The following BMAL1 variants were observed in gnomAD, a reference collection of about 807,000 sequenced individuals.
The protein encoded by BMAL1 is basic helix-loop-helix ARNT like 1, also known as basic helix-loop-helix ARNT-like protein 1.
the BMAL1 span, chr11:13,349,844 G>A: frequency 6.6e-6 from 1 of 151,234 alleles, no homozygotes; most frequent in East Asian, 2.0e-4. Context: ...TAGGAGTCAT[G>A]AACCATCTAC....
chr11:13,369,824 C>G, the BMAL1 span: 25 of 1,576,736 alleles, frequency 1.6e-5, no homozygotes, highest in Non-Finnish European at 2.1e-5. Flanking sequence ...CTTTCTGCAG[C>G]GGAGCTCTCA....
At chr11:13,386,673 A>G in the BMAL1 span, 1 of 1,614,164 alleles carries the variant, frequency 6.2e-7, no homozygotes, top group Non-Finnish European at 8.5e-7. Flanking sequence ...TGAGGCAGCA[A>G]TGGCTGTCAT....
the BMAL1 span, among the ~76,000 whole-genome samples, chr11:13,371,669 A>G: frequency 6.6e-6 from 1 of 152,230 alleles, no homozygotes; most frequent in Non-Finnish European, 1.5e-5. Context: ...TTGGTTAGAA[A>G]GTAATCCAAG....
the BMAL1 span, among the ~76,000 whole-genome samples, chr11:13,350,468 C>G: frequency 2.6e-5 from 4 of 152,044 alleles, no homozygotes; most frequent in Admixed American, 1.3e-4. Flanking sequence ...AAATAAAGAG[C>G]AGTAGGAGAG....
the BMAL1 span, among the ~76,000 whole-genome samples, chr11:13,350,894 A>G: frequency 6.6e-6 from 1 of 152,248 alleles, no homozygotes; most frequent in African/African-American, 2.4e-5. Context: ...AACATCAATG[A>G]TGAACAAAGA....
At chr11:13,323,260 G>A in the BMAL1 span, among the ~76,000 whole-genome samples, 1 of 152,112 alleles carries the variant, frequency 6.6e-6, no homozygotes, top group African/African-American at 2.4e-5. Flanking sequence ...GACCTAAGTG[G>A]CTACATCTTG....
chr11:13,377,444 A>C, the BMAL1 span, among the ~76,000 whole-genome samples: 4 of 152,012 alleles, frequency 2.6e-5, no homozygotes, highest in Non-Finnish European at 5.9e-5. Context: ...TGAACCTTCT[A>C]TCTCTTAAAC....
the BMAL1 span, chr11:13,356,856 G>T: frequency 6.2e-7 from 1 of 1,609,150 alleles, no homozygotes; most frequent in South Asian, 1.1e-5. Context: ...TGTTACTTGG[G>T]GCAGCACCCA....
the BMAL1 span, among the ~76,000 whole-genome samples, chr11:13,311,521 G>A: frequency 1.3e-5 from 2 of 152,226 alleles, no homozygotes; most frequent in Non-Finnish European, 2.9e-5. Context: ...GTTACATGGA[G>A]TTGGACATAA....
At chr11:13,278,881 A>G in the BMAL1 span, among the ~76,000 whole-genome samples, 1 of 152,236 alleles carries the variant, frequency 6.6e-6, no homozygotes, top group African/African-American at 2.4e-5. Context: ...GCTTGGAAGA[A>G]GACGAGGAAG....
chr11:13,277,320 G>A, the BMAL1 span, among the ~76,000 whole-genome samples: 86 of 152,304 alleles, frequency 5.6e-4, no homozygotes, highest in Middle Eastern at 3.4e-3. Flanking sequence ...CCAGCCGGCA[G>A]GGGACCCAGA....
chr11:13,365,140 A>G, the BMAL1 span, among the ~76,000 whole-genome samples: 1 of 152,140 alleles, frequency 6.6e-6, no homozygotes, highest in African/African-American at 2.4e-5. Flanking sequence ...GACTCTCCAT[A>G]GAGTTGTTAT....
the BMAL1 span, chr11:13,375,855 A>G: frequency 3.2e-6 from 4 of 1,251,328 alleles, no homozygotes; most frequent in East Asian, 5.5e-5. Flanking sequence ...AACATCCAGT[A>G]TCACATCCTT....
At chr11:13,289,437 G>T in the BMAL1 span, among the ~76,000 whole-genome samples, 1 of 152,112 alleles carries the variant, frequency 6.6e-6, no homozygotes, top group South Asian at 2.1e-4. Context: ...CAACACACAG[G>T]TTTGTTACAT....
the BMAL1 span, among the ~76,000 whole-genome samples, chr11:13,366,936 T>C: frequency 6.6e-6 from 1 of 152,204 alleles, no homozygotes; most frequent in Admixed American, 6.5e-5. Context: ...TTTGGCTAAA[T>C]GGAATTATTT....
At chr11:13,387,122 TC>T in the BMAL1 span, 107 of 168,928 alleles carry the variant, frequency 6.3e-4, no homozygotes, top group African/African-American at 2.5e-3. Flanking sequence ...TACAAAGAAG[TC>T]CCCCATGTGG....
the BMAL1 span, among the ~76,000 whole-genome samples, chr11:13,316,847 A>G: frequency 6.6e-6 from 1 of 152,250 alleles, no homozygotes; most frequent in Non-Finnish European, 1.5e-5. Context: ...ATGGGCTTAA[A>G]GTGTGGCTGG....
the BMAL1 span, among the ~76,000 whole-genome samples, chr11:13,303,902 C>A: frequency 9.8e-3 from 1,487 of 152,186 alleles, 13 homozygotes; most frequent in Non-Finnish European, 0.015. Context: ...TGGTGTGTTG[C>A]AGCGAGTGAG....
chr11:13,385,950 G>C, the BMAL1 span, among the ~76,000 whole-genome samples: 2 of 152,208 alleles, frequency 1.3e-5, no homozygotes, highest in African/African-American at 4.8e-5. Context: ...CTAAAAAGTT[G>C]ACCAGTATTT....
Sources: gnomAD v4.1 joint callset for allele counts (sites outside exome capture counted in the v4.1 genomes callset) on GRCh38, gnomAD v4.1.1 for gene constraint, MANE v1.5 for transcripts, NCBI Gene and HGNC (gene_info 2026-07-23, HGNC 2026-07-21) for gene names.